Variants in AGO2 observed in about 807,000 individuals in gnomAD.
AGO2 encodes the protein argonaute RISC catalytic component 2.
A neutral mutation model predicts 102.3 loss-of-function variants in AGO2; 5 were observed. That is an observed-to-expected ratio of 0.05 (90% CI 0.03 to 0.10). The LOEUF (loss-of-function observed/expected upper bound fraction) is 0.10, where lower values mean the gene tolerates loss of function less well. AGO2 is among the 10% of genes least tolerant of loss of function. The pLI, the probability that AGO2 is intolerant of heterozygous loss-of-function variation, is 1.00. For synonymous variants in AGO2, 449 were observed against 473.1 expected, an observed-to-expected ratio of 0.95 and a Z score of 0.66; for missense variants, 541 against 1,183.7, an observed-to-expected ratio of 0.46 and a Z score of 7.97.
intron 1 of AGO2, among the ~76,000 whole-genome samples, chr8:140,618,468 G>C (rs1563652143): frequency 6.6e-6 from 1 of 152,158 alleles, no homozygotes; most frequent in Non-Finnish European, 1.5e-5. Flanking sequence ...CAGCCTGGGT[G>C]ACAAAGCAAG....
chr8:140,539,528 C>G lies in AGO2; in HGVS notation c.2035-74G>C. 1.3e-6 allele frequency: 2 copies of G among 1,526,798 alleles called. No homozygotes were observed. Among genetic ancestry groups the G allele is most frequent in the Non-Finnish European group, 1.8e-6 (2 of 1,127,292 alleles). 94.6% of individuals were successfully genotyped at this position (1,526,798 alleles called of 1,614,324 possible). ...TGAGCAACGGTCCCACGTGCGGGTT[C>G]TGGGTTGAGAACACCCAGCCGTGGT... On this transcript the variant is annotated intron_variant, in intron 15 of 18. Coordinates refer to ENST00000220592, the MANE Select transcript of AGO2 (RefSeq NM_012154.5). This position sits in a 1 kb window ranked among gnomAD's most constrained non-coding sequence, Gnocchi z 4.7.
chr8:140,601,037 C>T (rs1351088499), intron 1 of AGO2, among the ~76,000 whole-genome samples: 2 of 152,244 alleles, frequency 1.3e-5, no homozygotes, highest in African/African-American at 2.4e-5. Context: ...GATCACTTCA[C>T]AGTGCCTACC....
intron 3 of AGO2, 143 bp downstream of exon 3, chr8:140,572,669 G>C (rs2073397918): frequency 8.3e-7 from 1 of 1,208,662 alleles, no homozygotes; most frequent in Non-Finnish European, 1.1e-6. Flanking sequence ...ATGGATCTCA[G>C]GACGAAGCAT....
rs938813814 is a variant in AGO2 at position 140,526,780 on chromosome 8, C to T, written c.*5264G>A. On this transcript the variant is annotated 3_prime_UTR_variant, in exon 19 of 19. Transcript: ENST00000220592. The surrounding 1 kb of genome is among the most constrained non-coding windows in gnomAD (Gnocchi z 5.2). ...CTGAAAGAAGCATAAGCGAGGGCAC[C>T]GTAATGGCACTGGTGTGACTCGGAC... 1.3e-5 allele frequency: 2 copies of T among 152,070 alleles called. No homozygotes were observed. The highest frequency in any genetic ancestry group is 2.9e-5 in the Non-Finnish European group (2 of 68,032). 9.4% of individuals were successfully genotyped at this position (152,070 alleles called of 1,614,324 possible). A position where few individuals can be genotyped will look rare whatever the true frequency, so the allele number is the denominator to read the frequency against.
chr8:140,542,836 G>A (rs2072825310), intron 14 of AGO2, among the ~76,000 whole-genome samples: 1 of 152,236 alleles, frequency 6.6e-6, no homozygotes, highest in Non-Finnish European at 1.5e-5. Flanking sequence ...TCAGAGGAAA[G>A]GGCTGAAAAT....
At chr8:140,552,787 G>T (rs564468115) in intron 10 of AGO2, among the ~76,000 whole-genome samples, 109 of 151,516 alleles carry the variant, frequency 7.2e-4, no homozygotes, top group South Asian at 1.7e-3. Context: ...TACTATACAG[G>T]TGCTTCTCAA....
At chr8:140,593,839 C>T (rs1029839399) in intron 1 of AGO2, among the ~76,000 whole-genome samples, 7 of 152,112 alleles carry the variant, frequency 4.6e-5, no homozygotes, top group Admixed American at 2.6e-4. Flanking sequence ...ACAGCACTCA[C>T]GGCTACCAGA....
intron 1 of AGO2, among the ~76,000 whole-genome samples, chr8:140,587,958 A>G (rs2073683787): frequency 6.6e-6 from 1 of 152,112 alleles, no homozygotes; most frequent in African/African-American, 2.4e-5. Flanking sequence ...CCTGGCCTGC[A>G]TCCAAGACTC....
rs1161274665 is a variant in AGO2 at position 140,530,100 on chromosome 8, C to A, written c.*1944G>T. On this transcript the variant is annotated 3_prime_UTR_variant, in exon 19 of 19. Coordinates refer to ENST00000220592, the MANE Select transcript of AGO2 (RefSeq NM_012154.5). ...CATTTAAAAAGATTAAAAAAAAATA[C>A]AGCCAGAAGAGACTAATGCCATTAA... The A allele has an allele frequency of 7.0e-6, 1 of 143,392 alleles. No homozygotes were observed. Among genetic ancestry groups the A allele is most frequent in the African/African-American group, 2.7e-5 (1 of 36,444 alleles). The allele number at this position is 143,392 out of a possible 1,614,324, so 8.9% of individuals were successfully genotyped here.
chr8:140,539,413 G>T lies in AGO2; in HGVS notation c.2076C>A (p.Ile692=), dbSNP rs150811622. ...CGGGCTGGTAGTCTTTTTCTAGCTT[G>T]ATACAGGCCTCACGGATGGCCAGCA... The part of the protein sequence containing the change: ...HELLAIREAC[I]KLEKDYQPGI... Residue 692 remains isoleucine (I), a synonymous_variant, in exon 16 of 19, where the codon ATC becomes ATA. Transcript: ENST00000220592. This position sits in a 1 kb window ranked among gnomAD's most constrained non-coding sequence, Gnocchi z 4.7. 1 of 1,613,952 alleles carries T rather than the reference G, an allele frequency of 6.2e-7. No individual in the cohort carries two copies. The highest frequency in any genetic ancestry group is 8.5e-7 in the Non-Finnish European group (1 of 1,179,994).
intron 1 of AGO2, among the ~76,000 whole-genome samples, chr8:140,632,991 C>T (rs1388839752): frequency 6.6e-6 from 1 of 151,760 alleles, no homozygotes; most frequent in African/African-American, 2.4e-5. Context: ...TGGCTCACTG[C>T]AACCTCTGCC....
Position 140,528,955 on chromosome 8 carries a change from T to C in AGO2, c.*3089A>G, listed in dbSNP as rs1412397161. ...GTAAAAGGATGGGAGTACATCAATG[T>C]TTTTAAAAAGTGAACATGTAAAAAC... On this transcript the variant is annotated 3_prime_UTR_variant, in exon 19 of 19. Transcript: ENST00000220592. The surrounding 1 kb of genome is among the most constrained non-coding windows in gnomAD (Gnocchi z 4.5). 3.3e-5 allele frequency: 5 copies of C among 152,204 alleles called. No individual in the cohort carries two copies. Among genetic ancestry groups the C allele is most frequent in the African/African-American group, 1.2e-4 (5 of 41,442 alleles). The allele number at this position is 152,204 out of a possible 1,614,324, so 9.4% of individuals were successfully genotyped here.
chr8:140,551,111 C>T (rs1233291717), intron 11 of AGO2, among the ~76,000 whole-genome samples, 192 bp downstream of exon 11: 1 of 152,190 alleles, frequency 6.6e-6, no homozygotes, highest in Non-Finnish European at 1.5e-5. Context: ...AGAGGGGCAC[C>T]AATGGGGCCA....
chr8:140,532,360 A>G, intron 18 of AGO2, 56 bp downstream of exon 18: 3 of 1,557,458 alleles, frequency 1.9e-6, no homozygotes, highest in Non-Finnish European at 2.6e-6. Context: ...AGCAGCTGCC[A>G]ATACCCGTGG....
At chr8:140,565,438 CAAA>C (rs34129157) in intron 3 of AGO2, among the ~76,000 whole-genome samples, 1 of 86,448 alleles carries the variant, frequency 1.2e-5, no homozygotes, top group Non-Finnish European at 2.4e-5. Flanking sequence ...GACTCTGTCT[CAAA>C]AAAAAAAAAA....
At chr8:140,538,659 G>T (rs1364477057) in intron 16 of AGO2, among the ~76,000 whole-genome samples, 1 of 152,206 alleles carries the variant, frequency 6.6e-6, no homozygotes, top group African/African-American at 2.4e-5. Flanking sequence ...GAGGGTCCGA[G>T]TTTGCACCAC....
At chr8:140,538,258 G>T (rs922762771) in intron 16 of AGO2, among the ~76,000 whole-genome samples, 1 of 152,206 alleles carries the variant, frequency 6.6e-6, no homozygotes, top group East Asian at 1.9e-4. Flanking sequence ...CTAACACTCT[G>T]AAGTATTCTT....
rs3735796 is a variant in AGO2 at position 140,530,621 on chromosome 8, G to A, written c.*1423C>T. 1 of 152,404 alleles carries A rather than the reference G, an allele frequency of 6.6e-6. No individual in the cohort carries two copies. The allele number at this position is 152,404 out of a possible 1,614,324, so 9.4% of individuals were successfully genotyped here. On this transcript the variant is annotated 3_prime_UTR_variant, in exon 19 of 19. Coordinates refer to ENST00000220592, the MANE Select transcript of AGO2 (RefSeq NM_012154.5). ...ACAGTTTCTAGATTGGCAAACCCAA[G>A]TCTGGGGCCCCAAATGCAAACCCCA... is the stretch of plus-strand genomic sequence containing the variant.
chr8:140,555,312 G>C (rs940753008), intron 10 of AGO2: 1 of 152,552 alleles, frequency 6.6e-6, no homozygotes, highest in African/African-American at 2.4e-5. Flanking sequence ...GACACCTTTG[G>C]TTACACACTG....
Sources: allele counts gnomAD v4.1 joint callset (sites outside exome capture counted in the v4.1 genomes callset), GRCh38; gene constraint gnomAD v4.1.1; non-coding constraint Gnocchi (gnomAD v3.1); transcripts MANE v1.5; gene names NCBI Gene and HGNC (gene_info 2026-07-23, HGNC 2026-07-21).